CDC40: variants seen among roughly 807,000 people sequenced by gnomAD.
The protein encoded by CDC40 is cell division cycle 40, also known as pre-mRNA-processing factor 17.
CDC40 carries 27 observed loss-of-function variants against 80.6 expected under a neutral mutation model. That is an observed-to-expected ratio of 0.33 (90% confidence interval 0.25 to 0.46). CDC40 has a LOEUF of 0.46. CDC40 is among the 20% of genes least tolerant of loss of function. The probability of loss-of-function intolerance (pLI) is 1.00; values close to 1 mark genes in which losing one functional copy is unlikely to be tolerated. For missense variants in CDC40, 486 were observed against 694.1 expected, an observed-to-expected ratio of 0.70 and a Z score of 3.37; for synonymous variants, 221 against 232.6, an observed-to-expected ratio of 0.95 and a Z score of 0.45.
chr6:110,200,780 G>A (rs1562202167), intron 2 of CDC40, among the ~76,000 whole-genome samples: 1 of 152,144 alleles, frequency 6.6e-6, no homozygotes, highest in Non-Finnish European at 1.5e-5. Flanking sequence ...TTTGCAGCAT[G>A]AGAAGGAGAA....
chr6:110,192,552 C>T (rs928572254), intron 1 of CDC40, among the ~76,000 whole-genome samples: 4 of 152,092 alleles, frequency 2.6e-5, no homozygotes, highest in Non-Finnish European at 5.9e-5. Context: ...ATACAAGTCT[C>T]TAGAAATCAG....
At chr6:110,197,445 C>G (rs1777432769) in intron 2 of CDC40, among the ~76,000 whole-genome samples, 1 of 152,088 alleles carries the variant, frequency 6.6e-6, no homozygotes, top group Non-Finnish European at 1.5e-5. Context: ...GGTGAGAACA[C>G]TTAAAATCTA....
intron 14 of CDC40, 74 bp downstream of exon 14, chr6:110,229,050 T>C: frequency 6.2e-6 from 7 of 1,132,514 alleles, no homozygotes; most frequent in Non-Finnish European, 7.6e-6. Flanking sequence ...AAATAACACT[T>C]GACACATCAC....
At chr6:110,216,525 G>A (rs1453255985) in intron 9 of CDC40, among the ~76,000 whole-genome samples, 2 of 152,138 alleles carry the variant, frequency 1.3e-5, no homozygotes, top group African/African-American at 2.4e-5. Flanking sequence ...CCCCTCTACT[G>A]GCAGACCATT....
At chr6:110,216,663 T>C (rs1286865094) in intron 9 of CDC40, among the ~76,000 whole-genome samples, 1 of 152,142 alleles carries the variant, frequency 6.6e-6, no homozygotes, top group Non-Finnish European at 1.5e-5. Context: ...CTGGAGGTGA[T>C]GGTTTAGAGC....
chr6:110,192,134 C>T (rs1343120339), intron 1 of CDC40, among the ~76,000 whole-genome samples: 1 of 152,022 alleles, frequency 6.6e-6, no homozygotes, highest in Non-Finnish European at 1.5e-5. Context: ...GTAGCATAAC[C>T]TGACTAATAT....
At chr6:110,187,779 CA>C (rs1777293669) in intron 1 of CDC40, among the ~76,000 whole-genome samples, 1 of 152,174 alleles carries the variant, frequency 6.6e-6, no homozygotes, top group Admixed American at 6.5e-5. Flanking sequence ...TTTGAATCAA[CA>C]AAAAGATAAA....
intron 1 of CDC40, among the ~76,000 whole-genome samples, chr6:110,192,730 C>T (rs1384934735): frequency 6.6e-6 from 1 of 152,182 alleles, no homozygotes; most frequent in African/African-American, 2.4e-5. Context: ...GATTATAAGA[C>T]TTTAGATTTA....
chr6:110,227,439 G>A (rs951948599), intron 13 of CDC40, among the ~76,000 whole-genome samples: 1 of 151,914 alleles, frequency 6.6e-6, no homozygotes, highest in African/African-American at 2.4e-5. Context: ...ACCTTTTTTT[G>A]ATCATTGCTA....
chr6:110,219,995 C>G, intron 12 of CDC40, 126 bp downstream of exon 12: 1 of 892,434 alleles, frequency 1.1e-6, no homozygotes, highest in Non-Finnish European at 1.7e-6. Flanking sequence ...CCTGGCTTGC[C>G]AATCAAACTG....
Position 110,209,140 on chromosome 6 carries a change from GA to G in CDC40, c.551del (p.Asn184MetfsTer22). The G allele has an allele frequency of 6.2e-7, 1 of 1,604,408 alleles. No individual in the cohort carries two copies. The highest frequency in any genetic ancestry group is 8.5e-7 in the Non-Finnish European group (1 of 1,171,726). On this transcript the variant is annotated frameshift_variant, in exon 5 of 15. Transcript: ENST00000307731. LOFTEE classifies it high-confidence loss of function. ...AACAGAAAAGAGGAAAAAGTTTAAA[GA>G]AAATGATGCATCCAATATTGATGGT... Reference protein sequence around the residue: ...KKTEKRKKFKENDASNIDGFL... With the variant: ...KKTEKRKKFKXNDASNIDGFL...
At chr6:110,227,078 T>C (rs1777873690) in intron 13 of CDC40, among the ~76,000 whole-genome samples, 2 of 152,180 alleles carry the variant, frequency 1.3e-5, no homozygotes, top group African/African-American at 4.8e-5. Context: ...GGTCTGATTC[T>C]CCATAATGAG....
chr6:110,190,174 C>G (rs1409261693), intron 1 of CDC40, among the ~76,000 whole-genome samples: 5 of 152,052 alleles, frequency 3.3e-5, no homozygotes, highest in Admixed American at 3.3e-4. Flanking sequence ...GGACCACAAA[C>G]AAAAACCCAA....
In CDC40 at chr6:110,216,176, G is replaced by GAAGA. The variant is rs963529585; in HGVS notation, c.988+855_988+858dup. Among the ~76,000 whole-genome samples, 3 of 152,186 alleles carry GAAGA rather than the reference G, an allele frequency of 2.0e-5. No individual in the cohort carries two copies. The South Asian group carries it at 6.2e-4, about 31-fold the overall frequency. On this transcript the variant is annotated intron_variant, in intron 9 of 14. Transcript: ENST00000307731. ...AAGGATGAGATTGAGAGAACTCCTT[G>GAAGA]AAGAAAGAAAGAAGGCCAAAGGGAG...
chr6:110,180,717 C>A, intron 1 of CDC40, 84 bp downstream of exon 1: 2 of 968,312 alleles, frequency 2.1e-6, no homozygotes, highest in South Asian at 2.9e-5. Flanking sequence ...TACCGGGTTA[C>A]CTCTTTCTCA....
intron 1 of CDC40, among the ~76,000 whole-genome samples, chr6:110,190,724 A>G (rs1777335876): frequency 6.6e-6 from 1 of 151,952 alleles, no homozygotes; most frequent in African/African-American, 2.4e-5. Flanking sequence ...GCTCAGGGGG[A>G]CCGAGCTAGG....
intron 1 of CDC40, among the ~76,000 whole-genome samples, chr6:110,183,517 G>A (rs1430398907): frequency 6.6e-6 from 1 of 152,290 alleles, no homozygotes. Context: ...TAGAGCTGGG[G>A]CTAGTCCACC....
At chr6:110,201,465 T>C (rs1028975614) in intron 2 of CDC40, 93 bp from the exon 3 acceptor site, 1 of 964,114 alleles carries the variant, frequency 1.0e-6, no homozygotes, top group African/African-American at 1.7e-5. Context: ...GGCCCTTTTT[T>C]TGTACAGTTA....
At chr6:110,218,229 A>G (rs779569788) in intron 10 of CDC40, among the ~76,000 whole-genome samples, 1 of 152,242 alleles carries the variant, frequency 6.6e-6, no homozygotes, top group Non-Finnish European at 1.5e-5. Flanking sequence ...ATTCACAGCC[A>G]TACTAATTGC....
Sources: gnomAD v4.1 joint callset for allele counts (sites outside exome capture counted in the v4.1 genomes callset) on GRCh38, gnomAD v4.1.1 for gene constraint, MANE v1.5 for transcripts, NCBI Gene and HGNC (gene_info 2026-07-23, HGNC 2026-07-21) for gene names.